GRIA1: variants seen among roughly 807,000 people sequenced by gnomAD.
GRIA1 encodes the protein glutamate receptor 1.
GRIA1 carries 31 observed loss-of-function variants against 99.2 expected under a neutral mutation model. The observed-to-expected ratio is 0.31, with a 90% CI of 0.23 to 0.42. The LOEUF (loss-of-function observed/expected upper bound fraction) is 0.42. GRIA1 is among the 10% of genes least tolerant of loss of function. The pLI, the probability that GRIA1 is intolerant of heterozygous loss-of-function variation, is 1.00. For synonymous variants in GRIA1, 438 were observed against 432.4 expected (o/e 1.01, Z -0.16); for missense variants, 782 against 1,157.5 (o/e 0.68, Z 4.71).
intron 13 of GRIA1, among the ~76,000 whole-genome samples, chr5:153,791,543 C>T (rs1048769755): frequency 6.6e-6 from 1 of 152,008 alleles, no homozygotes; most frequent in Non-Finnish European, 1.5e-5. Flanking sequence ...CTGCACTCAG[C>T]GTGAAGCACA....
chr5:153,521,432 G>C (rs1757133157), intron 2 of GRIA1, among the ~76,000 whole-genome samples: 1 of 152,218 alleles, frequency 6.6e-6, no homozygotes, highest in South Asian at 2.1e-4. Context: ...TTAACTCCAT[G>C]CCCAGCCCTG....
At chr5:153,513,611 C>T (rs1363401311) in intron 2 of GRIA1, among the ~76,000 whole-genome samples, 2 of 152,192 alleles carry the variant, frequency 1.3e-5, no homozygotes, top group African/African-American at 4.8e-5. Context: ...GCTGATTAAC[C>T]TGTGATCTTG....
rs1427320961 is a variant in GRIA1, at chr5:153,603,657, G to A, written c.221-43271G>A. ...TGCTCTAGAAGATCTAGGACACTCTGGAAAAGTGTCTGTATATCTTATATT... is the reference window on the plus strand; with the variant it reads ...TGCTCTAGAAGATCTAGGACACTCTAGAAAAGTGTCTGTATATCTTATATT... On this transcript the variant is annotated intron_variant, in intron 2 of 15. Coordinates refer to ENST00000285900, the MANE Select transcript of GRIA1 (RefSeq NM_000827.4). Among the ~76,000 whole-genome samples the A allele has an allele frequency of 2.6e-5, 4 of 152,196 alleles. No individual in the cohort carries two copies. In the East Asian group the frequency reaches 7.7e-4, roughly 29 times the overall value.
chr5:153,502,122 T>C (rs929977859), intron 2 of GRIA1, among the ~76,000 whole-genome samples: 6 of 152,194 alleles, frequency 3.9e-5, no homozygotes, highest in African/African-American at 1.4e-4. Flanking sequence ...TCACATGCTC[T>C]TCTGCCCTTC....
At chr5:153,796,248 C>A (rs1226827532) in intron 14 of GRIA1, among the ~76,000 whole-genome samples, 2 of 152,052 alleles carry the variant, frequency 1.3e-5, no homozygotes, top group Non-Finnish European at 2.9e-5. Flanking sequence ...AGAGAGCCTG[C>A]AGAGGATTTA....
chr5:153,541,859 G>A (rs1759131982), intron 2 of GRIA1, among the ~76,000 whole-genome samples: 1 of 150,358 alleles, frequency 6.7e-6, no homozygotes. Context: ...GAACATGGGA[G>A]GTGGAGGTTG....
intron 2 of GRIA1, among the ~76,000 whole-genome samples, chr5:153,524,786 T>C (rs926762053): frequency 2.0e-5 from 3 of 152,198 alleles, no homozygotes; most frequent in African/African-American, 4.8e-5. Flanking sequence ...ACTTTGTTGA[T>C]GCATTGAAAA....
chr5:153,804,599 G>A (rs1406733206), intron 15 of GRIA1, among the ~76,000 whole-genome samples: 2 of 152,156 alleles, frequency 1.3e-5, no homozygotes, highest in Non-Finnish European at 2.9e-5. Flanking sequence ...CTAAGACACA[G>A]TACAGCATCA....
intron 2 of GRIA1, 134 bp downstream of exon 2, chr5:153,494,199 A>G: frequency 1.2e-6 from 1 of 863,134 alleles, no homozygotes; most frequent in Admixed American, 2.6e-5. Context: ...CCTCCAAGAA[A>G]AATTTCTAGA....
intron 2 of GRIA1, among the ~76,000 whole-genome samples, chr5:153,600,257 T>C (rs1274322748): frequency 6.6e-6 from 1 of 151,704 alleles, no homozygotes; most frequent in Non-Finnish European, 1.5e-5. Flanking sequence ...CTGGGCGTGG[T>C]GGCGGGCGCC....
intron 5 of GRIA1, among the ~76,000 whole-genome samples, chr5:153,663,403 A>AG (rs1265611612): frequency 1.4e-4 from 22 of 152,190 alleles, no homozygotes; most frequent in Non-Finnish European, 3.1e-4. Flanking sequence ...AATTGAGCAA[A>AG]GCCAAGAAAT....
At chr5:153,631,756 G>A (rs1308450306) in intron 2 of GRIA1, among the ~76,000 whole-genome samples, 2 of 152,072 alleles carry the variant, frequency 1.3e-5, no homozygotes, top group African/African-American at 4.8e-5. Flanking sequence ...AGTTAAGAGG[G>A]CTTCAACTGT....
intron 8 of GRIA1, among the ~76,000 whole-genome samples, chr5:153,696,532 T>C (rs1485653955): frequency 6.6e-6 from 1 of 152,198 alleles, no homozygotes; most frequent in Non-Finnish European, 1.5e-5. Flanking sequence ...AAGAGCATCA[T>C]TAGTGCTGGC....
At chr5:153,675,513 A>G (rs966222358) in intron 6 of GRIA1, among the ~76,000 whole-genome samples, 3 of 152,220 alleles carry the variant, frequency 2.0e-5, no homozygotes, top group Non-Finnish European at 1.5e-5. Flanking sequence ...CAAACCAGAT[A>G]GATTGACAGT....
At chr5:153,520,731 A>G (rs1361238534) in intron 2 of GRIA1, among the ~76,000 whole-genome samples, 1 of 152,206 alleles carries the variant, frequency 6.6e-6, no homozygotes, top group East Asian at 1.9e-4. Context: ...TCTCCATGAA[A>G]TAAGAACCTG....
At chr5:153,582,571 C>A (rs1763136699) in intron 2 of GRIA1, among the ~76,000 whole-genome samples, 1 of 152,080 alleles carries the variant, frequency 6.6e-6, no homozygotes, top group Non-Finnish European at 1.5e-5. Context: ...ATCGTTCTGC[C>A]CCTGAATACG....
chr5:153,648,535 A>C (rs1395725170), intron 3 of GRIA1, among the ~76,000 whole-genome samples: 1 of 152,168 alleles, frequency 6.6e-6, no homozygotes, highest in Non-Finnish European at 1.5e-5. Context: ...CACACTATAA[A>C]ATAGGGATAA....
chr5:153,551,951 G>GC (rs751016335), intron 2 of GRIA1, among the ~76,000 whole-genome samples: 3 of 152,178 alleles, frequency 2.0e-5, no homozygotes, highest in Admixed American at 6.5e-5. Flanking sequence ...GGCAGAGAAA[G>GC]CCCCCCCTCA....
rs1016560050 is a variant in GRIA1, at chr5:153,650,424, C to T, written c.555C>T (p.Tyr185=). The change falls in exon 4 of 16, where the codon TAC becomes TAT. Residue 185 remains tyrosine, a synonymous_variant. Transcript: ENST00000285900. ...VNILTTTEEG[Y]RMLFQDLEKK... Reference sequence around the variant, plus strand: ...TTTTGACAACCACAGAGGAGGGATACCGGATGCTCTTTCAGGACCTGGAGA... The same window carrying T: ...TTTTGACAACCACAGAGGAGGGATATCGGATGCTCTTTCAGGACCTGGAGA... The T allele has an allele frequency of 6.2e-7, 1 of 1,613,850 alleles. No homozygotes were observed. The highest frequency in any genetic ancestry group is 8.5e-7 in the Non-Finnish European group (1 of 1,179,938).
Sources: allele counts gnomAD v4.1 joint callset (sites outside exome capture counted in the v4.1 genomes callset), GRCh38; gene constraint gnomAD v4.1.1; transcripts MANE v1.5; gene names NCBI Gene and HGNC (gene_info 2026-07-23, HGNC 2026-07-21).